Variants in ACAA2 observed in about 807,000 individuals in gnomAD.
ACAA2 encodes acetyl-CoA acyltransferase 2, also known as 3-ketoacyl-CoA thiolase, mitochondrial.
Under a neutral mutation model 44.8 loss-of-function variants are expected in ACAA2, and 35 were observed. That is an observed-to-expected ratio of 0.78 (90% CI 0.60 to 1.04). The LOEUF is 1.04. Among genes scored for constraint, ACAA2 ranks in the 50% least tolerant of loss-of-function variants. ACAA2 has a pLI of 0.00. For missense variants in ACAA2, 468 were observed against 482.6 expected (o/e 0.97, Z 0.28); for synonymous variants, 142 against 166.5 (o/e 0.85, Z 1.13).
intron 2 of ACAA2, 97 bp from the exon 3 acceptor site, chr18:49,797,691 A>C: frequency 1.0e-6 from 1 of 1,002,892 alleles, no homozygotes; most frequent in Admixed American, 2.8e-5. Flanking sequence ...TCTATCAAAA[A>C]TGATAAACTA....
chr18:49,786,642 T>TAATC (rs2143945948), intron 8 of ACAA2: 1 of 152,340 alleles, frequency 6.6e-6, no homozygotes, highest in East Asian at 1.9e-4. Context: ...ATCACATGCT[T>TAATC]AATCACCTAA....
intron 7 of ACAA2, among the ~76,000 whole-genome samples, chr18:49,790,872 C>T (rs563673965): frequency 6.6e-6 from 1 of 152,254 alleles, no homozygotes; most frequent in South Asian, 2.1e-4. Context: ...ATTTGACTTC[C>T]TGAGACTATG....
chr18:49,797,695 T>A, intron 2 of ACAA2, 101 bp from the exon 3 acceptor site: 1 of 970,364 alleles, frequency 1.0e-6, no homozygotes, highest in Non-Finnish European at 1.5e-6. Context: ...TCAAAAATGA[T>A]AAACTATATG....
In ACAA2 at chr18:49,783,680, C is replaced by A. The variant is rs923841027; in HGVS notation, c.*167G>T. 3.5e-6 allele frequency: 2 copies of A among 577,940 alleles called. No individual in the cohort carries two copies. The highest frequency in any genetic ancestry group is 2.4e-5 in the South Asian group (1 of 42,192). The allele number at this position is 577,940 out of a possible 1,614,324, so 35.8% of individuals were successfully genotyped here. A position where few individuals can be genotyped will look rare whatever the true frequency, so the allele number is the denominator to read the frequency against. ...AGAGAATGTACTTCTAGCATGGGCT[C>A]CTATTCATGATCAATGCATTTTTGT... On this transcript the variant is annotated 3_prime_UTR_variant, in exon 10 of 10. Coordinates refer to ENST00000285093, the MANE Select transcript of ACAA2 (RefSeq NM_006111.3).
At chr18:49,799,469 G>A (rs1401787196) in intron 2 of ACAA2, among the ~76,000 whole-genome samples, 7 of 152,176 alleles carry the variant, frequency 4.6e-5, no homozygotes, top group East Asian at 1.9e-4. Flanking sequence ...CGCCAGCCTC[G>A]GCCTCCCGGG....
chr18:49,792,048 AAAC>A (rs1171902362), intron 6 of ACAA2, 101 bp downstream of exon 6: 5 of 898,362 alleles, frequency 5.6e-6, no homozygotes, highest in Non-Finnish European at 8.3e-6. Flanking sequence ...AGTTTAAGCT[AAAC>A]AACTAAAGAC....
intron 4 of ACAA2, among the ~76,000 whole-genome samples, chr18:49,795,390 C>T (rs980471643): frequency 2.0e-5 from 3 of 152,090 alleles, no homozygotes; most frequent in Non-Finnish European, 2.9e-5. Flanking sequence ...CTATAAGTCA[C>T]GTTAAAGATT....
chr18:49,809,503 T>C (rs747114154), intron 1 of ACAA2, among the ~76,000 whole-genome samples: 4 of 152,126 alleles, frequency 2.6e-5, no homozygotes, highest in Non-Finnish European at 5.9e-5. Context: ...GGTGAATGGA[T>C]AAACAAACTG....
intron 1 of ACAA2, 199 bp from the exon 2 acceptor site, chr18:49,803,052 T>G: frequency 1.5e-6 from 1 of 645,270 alleles, no homozygotes; most frequent in Non-Finnish European, 2.8e-6. Flanking sequence ...GATCTTTACC[T>G]ACATGCAGGT....
At chr18:49,795,290 G>T (rs897821500) in intron 4 of ACAA2, among the ~76,000 whole-genome samples, 6 of 152,160 alleles carry the variant, frequency 3.9e-5, no homozygotes, top group African/African-American at 9.6e-5. Flanking sequence ...ATCAGTTTTT[G>T]TTTGATTTGG....
intron 1 of ACAA2, among the ~76,000 whole-genome samples, chr18:49,809,100 C>A (rs2023640772): frequency 6.6e-6 from 1 of 152,192 alleles, no homozygotes; most frequent in Admixed American, 6.5e-5. Flanking sequence ...ATCTCTCCTA[C>A]TTGCATATCC....
chr18:49,792,902 T>TACTGTCATGTGTTTATGTAG (rs2023422430), intron 5 of ACAA2, among the ~76,000 whole-genome samples: 1 of 152,236 alleles, frequency 6.6e-6, no homozygotes, highest in South Asian at 2.1e-4. Flanking sequence ...GGATTTACGA[T>TACTGTCATGTGTTTATGTAG]ACTGTCATGT....
At chr18:49,808,790 C>A (rs561140581) in intron 1 of ACAA2, among the ~76,000 whole-genome samples, 25 of 152,258 alleles carry the variant, frequency 1.6e-4, no homozygotes, top group Non-Finnish European at 3.1e-4. Flanking sequence ...AGGGCAAAAT[C>A]AAAAACTCCT....
chr18:49,801,617 G>C (rs562995932), intron 2 of ACAA2, among the ~76,000 whole-genome samples: 2 of 151,660 alleles, frequency 1.3e-5, no homozygotes, highest in African/African-American at 4.8e-5. Context: ...GATACACAAC[G>C]GCAAGATGAA....
At chr18:49,787,087 A>AAATAAAGCATGTT (rs1486419544) in intron 8 of ACAA2, among the ~76,000 whole-genome samples, 1 of 152,158 alleles carries the variant, frequency 6.6e-6, no homozygotes, top group African/African-American at 2.4e-5. Context: ...ATTCAAATAT[A>AAATAAAGCATGTT]AATAAAGCAT....
intron 3 of ACAA2, among the ~76,000 whole-genome samples, chr18:49,796,702 T>A (rs2023468825): frequency 6.6e-6 from 1 of 152,170 alleles, no homozygotes; most frequent in Non-Finnish European, 1.5e-5. Flanking sequence ...TCCTAAATTC[T>A]TGAGATTTCC....
At chr18:49,803,979 C>T (rs113200569) in intron 1 of ACAA2, among the ~76,000 whole-genome samples, 1 of 146,034 alleles carries the variant, frequency 6.8e-6, no homozygotes, top group Non-Finnish European at 1.5e-5. Flanking sequence ...GGCGCGATTT[C>T]GGCTCACTGC....
At chr18:49,800,283 G>GC (rs1382391361) in intron 2 of ACAA2, among the ~76,000 whole-genome samples, 1 of 149,260 alleles carries the variant, frequency 6.7e-6, no homozygotes, top group Non-Finnish European at 1.5e-5. Flanking sequence ...GGGGGGGTCA[G>GC]CCCCCCGCCC....
intron 1 of ACAA2, among the ~76,000 whole-genome samples, chr18:49,806,409 G>A (rs1460377233): frequency 6.6e-6 from 1 of 152,162 alleles, no homozygotes; most frequent in Non-Finnish European, 1.5e-5. Context: ...TTAAAAAACT[G>A]AACTTAGATT....
Sources: gnomAD v4.1 joint callset for allele counts (sites outside exome capture counted in the v4.1 genomes callset) on GRCh38, gnomAD v4.1.1 for gene constraint, MANE v1.5 for transcripts, NCBI Gene and HGNC (gene_info 2026-07-23, HGNC 2026-07-21) for gene names.